GRIN2B: variants seen among roughly 807,000 people sequenced by gnomAD.
The protein encoded by GRIN2B is glutamate ionotropic receptor NMDA type subunit 2B, also known as glutamate receptor ionotropic, NMDA 2B.
Under a neutral mutation model 114.5 loss-of-function variants are expected in GRIN2B, and 5 were observed. The observed-to-expected ratio is 0.04, with a 90% CI of 0.02 to 0.09. The LOEUF is 0.09. Ranked by LOEUF, GRIN2B falls within the 10% of genes least tolerant of loss-of-function variation. The pLI is 1.00. For missense variants in GRIN2B, 1,108 were observed against 1,943.5 expected (o/e 0.57, Z 8.08); for synonymous variants, 787 against 745.1 (o/e 1.06, Z -0.92).
chr12:13,656,117 C>T (rs2136521804), intron 5 of GRIN2B, among the ~76,000 whole-genome samples: 1 of 152,296 alleles, frequency 6.6e-6, no homozygotes, highest in East Asian at 1.9e-4. Context: ...GAATCTAGCA[C>T]ACTGTAGGAA....
At chr12:13,570,892 T>C (rs1352029848) in intron 11 of GRIN2B, among the ~76,000 whole-genome samples, 1 of 152,152 alleles carries the variant, frequency 6.6e-6, no homozygotes, top group East Asian at 1.9e-4. Context: ...AGGTACCCGA[T>C]AGAAAGGGGA....
At chr12:13,748,357 A>T (rs1863425339) in intron 4 of GRIN2B, among the ~76,000 whole-genome samples, 1 of 152,204 alleles carries the variant, frequency 6.6e-6, no homozygotes, top group South Asian at 2.1e-4. Context: ...GTGTACCATC[A>T]CGTGAGTGAC....
intron 12 of GRIN2B, among the ~76,000 whole-genome samples, chr12:13,568,141 G>A (rs536760431): frequency 2.6e-5 from 4 of 152,178 alleles, no homozygotes; most frequent in Non-Finnish European, 4.4e-5. Flanking sequence ...ATTGTTTAAC[G>A]GTGCTTTGAT....
At chr12:13,893,441 G>A (rs1394024381) in intron 2 of GRIN2B, among the ~76,000 whole-genome samples, 2 of 152,010 alleles carry the variant, frequency 1.3e-5, no homozygotes, top group South Asian at 2.1e-4. Flanking sequence ...AAAAGAACAT[G>A]AAAAATTATG....
intron 2 of GRIN2B, among the ~76,000 whole-genome samples, chr12:13,898,373 G>A (rs1374430846): frequency 6.6e-6 from 1 of 152,224 alleles, no homozygotes; most frequent in Non-Finnish European, 1.5e-5. Flanking sequence ...TCAAAGCAGA[G>A]ACAAGTTACT....
At position 13,872,454 on chromosome 12, in the gene GRIN2B, CA is replaced by C. The variant is rs35373717; in HGVS notation, c.-18-6229del. Among the ~76,000 whole-genome samples the C allele has an allele frequency of 7.1e-3, 880 of 124,290 alleles. 8 individuals are homozygous for C. The highest frequency in any genetic ancestry group is 0.02 in the African/African-American group (662 of 32,384). 81.5% of individuals were successfully genotyped at this position (124,290 alleles called of 152,430 possible). A position where few individuals can be genotyped will look rare whatever the true frequency, so the allele number is the denominator to read the frequency against. ...CTGGCAACAGAGCAAGGCTCCGACT[CA>C]AAAAAAAAAAAAAAATAGTGCTAAC... On this transcript the variant is annotated intron_variant, in intron 2 of 13. Transcript: ENST00000609686.
intron 3 of GRIN2B, among the ~76,000 whole-genome samples, chr12:13,763,683 T>A (rs1420267071): frequency 1.3e-5 from 2 of 152,194 alleles, no homozygotes; most frequent in Non-Finnish European, 2.9e-5. Context: ...AAGGGGGTTA[T>A]CTGTTCTTAA....
chr12:13,979,823 G>A (rs1591651634), intron 2 of GRIN2B, 105 bp downstream of exon 2: 1 of 151,828 alleles, frequency 6.6e-6, no homozygotes, highest in Admixed American at 6.6e-5. Context: ...TTCATATCTT[G>A]TGACCTTTTC....
chr12:13,926,304 C>G (rs1399781695), intron 2 of GRIN2B, among the ~76,000 whole-genome samples: 1 of 152,214 alleles, frequency 6.6e-6, no homozygotes, highest in African/African-American at 2.4e-5. Flanking sequence ...TCGTCACTTC[C>G]AGGTTCACTG....
intron 6 of GRIN2B, 145 bp downstream of exon 6, chr12:13,616,310 C>G (rs1388694555): frequency 2.9e-6 from 2 of 700,972 alleles, no homozygotes; most frequent in African/African-American, 3.5e-5. Context: ...CAGAGGGCTG[C>G]CAGTAATCCC....
At chr12:13,674,705 TGGAA>T (rs1328582091) in intron 5 of GRIN2B, among the ~76,000 whole-genome samples, 3 of 152,154 alleles carry the variant, frequency 2.0e-5, no homozygotes, top group Non-Finnish European at 1.5e-5. Context: ...ATGGAATCTG[TGGAA>T]GTTGTCTTAA....
rs1407040712 is a variant in GRIN2B at position 13,549,121 on chromosome 12, A to C, written c.*13662T>G. 1 of 152,178 alleles carries C rather than the reference A, an allele frequency of 6.6e-6. No homozygotes were observed. Among genetic ancestry groups the C allele is most frequent in the African/African-American group, 2.4e-5 (1 of 41,446 alleles). The allele number at this position is 152,178 out of a possible 1,614,324, so 9.4% of individuals were successfully genotyped here. ...TGCAGCCCAAACTAAAGATACTAAA[A>C]TCTTTGGAAAGATGGATTATATCCT... On this transcript the variant is annotated 3_prime_UTR_variant, in exon 14 of 14. Coordinates refer to ENST00000609686, the MANE Select transcript of GRIN2B (RefSeq NM_000834.5).
intron 3 of GRIN2B, among the ~76,000 whole-genome samples, chr12:13,800,455 T>C (rs1179912091): frequency 6.6e-6 from 1 of 152,198 alleles, no homozygotes; most frequent in African/African-American, 2.4e-5. Flanking sequence ...TTATCACTCT[T>C]TGCTAAAGTG....
chr12:13,786,872 G>C (rs1864231873), intron 3 of GRIN2B, among the ~76,000 whole-genome samples: 1 of 151,940 alleles, frequency 6.6e-6, no homozygotes, highest in African/African-American at 2.4e-5. Flanking sequence ...GGAGGGAGCA[G>C]GTAAAAGGGC....
chr12:13,922,703 T>C (rs10845861), intron 2 of GRIN2B, among the ~76,000 whole-genome samples: 8,955 of 152,238 alleles, frequency 0.059, 958 homozygotes, highest in East Asian at 0.42. Context: ...AGAGAGATGA[T>C]GAAGTGGATA....
chr12:13,612,821 G>A (rs1949382528), intron 8 of GRIN2B, among the ~76,000 whole-genome samples: 1 of 152,178 alleles, frequency 6.6e-6, no homozygotes, highest in African/African-American at 2.4e-5. Context: ...CCTCAATTGT[G>A]TCTCAAAATA....
intron 2 of GRIN2B, among the ~76,000 whole-genome samples, chr12:13,975,478 T>C (rs555556879): frequency 2.2e-4 from 33 of 152,354 alleles, no homozygotes; most frequent in African/African-American, 7.9e-4. Context: ...TCACTTAATG[T>C]CCCTGGATCT....
chr12:13,620,638 C>T (rs569398739), intron 5 of GRIN2B, among the ~76,000 whole-genome samples: 1 of 152,062 alleles, frequency 6.6e-6, no homozygotes, highest in Non-Finnish European at 1.5e-5. Flanking sequence ...AGACTGTAAA[C>T]ACATTTCTAA....
intron 3 of GRIN2B, among the ~76,000 whole-genome samples, chr12:13,848,798 G>T (rs1045428711): frequency 6.6e-6 from 1 of 152,140 alleles, no homozygotes; most frequent in Non-Finnish European, 1.5e-5. Context: ...ATACACCAAC[G>T]TGAGAGAAAG....
Sources: gnomAD v4.1 joint callset for allele counts (sites outside exome capture counted in the v4.1 genomes callset) on GRCh38, gnomAD v4.1.1 for gene constraint, MANE v1.5 for transcripts, NCBI Gene and HGNC (gene_info 2026-07-23, HGNC 2026-07-21) for gene names.